Variants in E2F8 observed in about 807,000 individuals in gnomAD.
E2F8 encodes the protein E2F transcription factor 8, also known as transcription factor E2F8.
Under a neutral mutation model 80.8 loss-of-function variants are expected in E2F8, and 35 were observed. That is an observed-to-expected ratio of 0.43 (90% CI 0.33 to 0.57). E2F8 has a LOEUF of 0.57. Among genes scored for constraint, E2F8 ranks in the 20% least tolerant of loss-of-function variants. The probability of loss-of-function intolerance (pLI) is 0.04; values close to 1 mark genes in which losing one functional copy is unlikely to be tolerated. For synonymous variants in E2F8, 386 were observed against 395.0 expected (o/e 0.98, Z 0.27); for missense variants, 975 against 1,056.2 (o/e 0.92, Z 1.07).
Position 19,225,282 on chromosome 11 carries a change from G to A in E2F8, c.2360C>T (p.Ser787Leu), listed in dbSNP as rs1851201611. Residue 787 changes from serine (S) to leucine (L), a missense_variant, in exon 12 of 13, where the codon TCA (serine) becomes TTA (leucine). Physicochemically the swap from Ser to Leu is moderately radical, Grantham distance 145. Transcript: ENST00000250024. ...TQQGRATNYD[S>L]PVPGQSQPNG... The stretch of plus-strand genomic sequence containing the variant: ...TGGCTGGCTCTGGCCTGGGACTGGT[G>A]AGTCATAGTTGGTGGCCCTTCCTTG... The A allele has an allele frequency of 1.2e-6, 2 of 1,614,188 alleles. No individual in the cohort carries two copies. Among genetic ancestry groups the A allele is most frequent in the East Asian group, 4.5e-5 (2 of 44,878 alleles).
At chr11:19,235,666 C>CAA (rs57848611) in intron 4 of E2F8, among the ~76,000 whole-genome samples, 20 of 147,592 alleles carry the variant, frequency 1.4e-4, no homozygotes, top group East Asian at 4.1e-4. Context: ...AACAAACAAA[C>CAA]AAAAAAAAAA....
chr11:19,224,304 A>G lies in E2F8; in HGVS notation c.*354T>C, dbSNP rs187554534. 7.8e-4 allele frequency: 131 copies of G among 167,318 alleles called. No individual in the cohort carries two copies. Among genetic ancestry groups the G allele is most frequent in the South Asian group, 1.4e-3 (8 of 5,634 alleles). The allele number at this position is 167,318 out of a possible 1,614,324, so 10.4% of individuals were successfully genotyped here. A position where few individuals can be genotyped will look rare whatever the true frequency, so the allele number is the denominator to read the frequency against. ...GAATGCTGTGTTAGGCATGTCAAGC[A>G]TATTTGCTTAGAGGGAAGTAAACTT... On this transcript the variant is annotated 3_prime_UTR_variant, in exon 13 of 13. Coordinates refer to ENST00000250024, the MANE Select transcript of E2F8 (RefSeq NM_024680.4).
rs1229809549 is a variant in E2F8 at position 19,225,846 on chromosome 11, A to G, written c.1912T>C (p.Tyr638His). ...NVSATLFPSG[Y>H]LIPLTQCSSL... ...GAGCACTGCGTGAGAGGGATTAGGT[A>G]TCCTGATGGGAACAAGGTCTAGAAA... The change falls in exon 11 of 13, where the codon TAC becomes CAC. Residue 638 changes from tyrosine (Y) to histidine (H), a missense_variant. Physicochemically the swap from Tyr to His is moderately conservative, Grantham distance 83. Transcript: ENST00000250024. 1.2e-6 allele frequency: 2 copies of G among 1,613,980 alleles called. No homozygotes were observed. The highest frequency in any genetic ancestry group is 1.3e-5 in the African/African-American group (1 of 74,910).
At chr11:19,231,220 G>A (rs947629114) in intron 7 of E2F8, among the ~76,000 whole-genome samples, 1 of 152,162 alleles carries the variant, frequency 6.6e-6, no homozygotes, top group Non-Finnish European at 1.5e-5. Flanking sequence ...GCAGCCCTGT[G>A]TCGGAGATGA....
Position 19,229,691 on chromosome 11 carries a change from A to C in E2F8, c.1656T>G (p.Ala552=). The change falls in exon 10 of 13, where the codon GCT becomes GCG. Residue 552 remains alanine, a synonymous_variant. Transcript: ENST00000250024. This position sits in a 1 kb window ranked among gnomAD's most constrained non-coding sequence, Gnocchi z 4.3. ...PTVCTTHSSK[A]TGSKDSTDAT... is the part of the protein sequence containing the mutation. ...CATCTGTGGAGTCTTTTGAGCCAGT[A>C]GCTTTAGAAGAGTGGGTGGTGCACA... 6.2e-7 allele frequency: 1 copy of C among 1,614,128 alleles called. No individual in the cohort carries two copies. The highest frequency in any genetic ancestry group is 1.3e-5 in the African/African-American group (1 of 75,024).
intron 7 of E2F8, among the ~76,000 whole-genome samples, chr11:19,231,794 T>C (rs1363777932): frequency 6.6e-6 from 1 of 152,198 alleles, no homozygotes; most frequent in African/African-American, 2.4e-5. Flanking sequence ...TTGTTATGGA[T>C]CTTGGTTAGC....
chr11:19,232,440 A>T (rs1248836757), intron 6 of E2F8, 69 bp from the exon 7 acceptor site: 1 of 1,358,212 alleles, frequency 7.4e-7, no homozygotes, highest in Non-Finnish European at 1.0e-6. Flanking sequence ...CTTCAGAAGG[A>T]CTTCATGTAT....
chr11:19,228,100 T>C (rs1240944386), intron 10 of E2F8, among the ~76,000 whole-genome samples: 1 of 151,888 alleles, frequency 6.6e-6, no homozygotes, highest in East Asian at 1.9e-4. Context: ...AAAAAAGAAA[T>C]GGTTAGAGTT....
chr11:19,230,049 C>A (rs117358965), intron 9 of E2F8, 61 bp from the exon 10 acceptor site: 7 of 1,594,686 alleles, frequency 4.4e-6, no homozygotes, highest in Admixed American at 3.4e-5. Flanking sequence ...ACTGTTCTAC[C>A]GCTTTAAGCC....
rs914690289 is a variant in E2F8, at chr11:19,230,541, C to T, written c.1270+90G>A. ...GGTATATAGATATTGAAATAATTCT[C>T]TGACAACTATTGCAAGGATCAAGTA... On this transcript the variant is annotated intron_variant, in intron 8 of 12. Transcript: ENST00000250024. 8 of 1,426,268 alleles carry T rather than the reference C, an allele frequency of 5.6e-6. No individual in the cohort carries two copies. In the African/African-American group the frequency reaches 5.7e-5, roughly 10 times the overall value. 88.4% of individuals were successfully genotyped at this position (1,426,268 alleles called of 1,614,324 possible).
chr11:19,237,753 G>C, intron 3 of E2F8, 101 bp downstream of exon 3: 2 of 1,448,296 alleles, frequency 1.4e-6, no homozygotes, highest in Non-Finnish European at 1.9e-6. Flanking sequence ...ACAGCCTTCG[G>C]GTGGTGATGC....
At chr11:19,237,761 T>G (rs1210588148) in intron 3 of E2F8, 93 bp downstream of exon 3, 1 of 1,482,496 alleles carries the variant, frequency 6.7e-7, no homozygotes, top group Non-Finnish European at 9.1e-7. Flanking sequence ...CGGGTGGTGA[T>G]GCTTTAAATT....
chr11:19,237,242 G>A, intron 4 of E2F8, 72 bp downstream of exon 4: 2 of 1,408,640 alleles, frequency 1.4e-6, no homozygotes, highest in East Asian at 2.3e-5. Flanking sequence ...AGATGAGCGG[G>A]GGTCTGAAGG....
At chr11:19,230,201 A>C in intron 9 of E2F8, 40 bp downstream of exon 9, 1 of 1,588,688 alleles carries the variant, frequency 6.3e-7, no homozygotes, top group Non-Finnish European at 8.6e-7. Context: ...TGTAATGTAA[A>C]AGTAATTCAT....
At position 19,237,915 on chromosome 11, in the gene E2F8, T is replaced by C; in HGVS notation, c.233A>G (p.Asp78Gly). ...GTTGTCAAACAAACCCCTTTTCTGA[T>C]CTCTGTTGCGGATCTCAGGGCTCAC... Reference protein sequence around the residue: ...SAVSPEIRNRDQKRGLFDNRS... With the variant: ...SAVSPEIRNRGQKRGLFDNRS... Residue 78 changes from aspartate (D) to glycine (G), a missense_variant, in exon 3 of 13, where the codon GAT becomes GGT. Transcript: ENST00000250024. 4 of 1,614,104 alleles carry C rather than the reference T, an allele frequency of 2.5e-6. No homozygotes were observed. Among genetic ancestry groups the C allele is most frequent in the Non-Finnish European group, 3.4e-6 (4 of 1,180,022 alleles).
intron 4 of E2F8, among the ~76,000 whole-genome samples, chr11:19,235,981 C>T (rs1389385394): frequency 6.6e-6 from 1 of 152,144 alleles, no homozygotes; most frequent in Non-Finnish European, 1.5e-5. Context: ...TTCTGTGACT[C>T]TATCTATTTA....
In E2F8 at chr11:19,229,859, C is replaced by G. The variant is rs756456457; in HGVS notation, c.1488G>C (p.Met496Ile). The stretch of plus-strand genomic sequence containing the variant: ...ACAAGGGGCTGGGGATCAGGGGAAC[C>G]ATTCCCAGGGGCTGGATGAGGGACG... ...TAPSLIQPLG[M>I]VPLIPSPLSS... Residue 496 changes from methionine (M) to isoleucine (I), a missense_variant, in exon 10 of 13, where the codon ATG becomes ATC. By Grantham distance (10) the Met-to-Ile change is conservative. Transcript: ENST00000250024. This position sits in a 1 kb window ranked among gnomAD's most constrained non-coding sequence, Gnocchi z 4.3. 2 of 1,613,864 alleles carry G rather than the reference C, an allele frequency of 1.2e-6. No individual in the cohort carries two copies. The highest frequency in any genetic ancestry group is 2.2e-5 in the East Asian group (1 of 44,896).
chr11:19,237,820 TC>T, intron 3 of E2F8, 33 bp downstream of exon 3: 1 of 1,576,504 alleles, frequency 6.3e-7, no homozygotes, highest in South Asian at 1.2e-5. Flanking sequence ...CCCAACAAAT[TC>T]CCCAGCCTCC....
Position 19,229,391 on chromosome 11 carries a change from C to T in E2F8, c.1893+63G>A. 1 of 1,528,976 alleles carries T rather than the reference C, an allele frequency of 6.5e-7. No individual in the cohort carries two copies. 94.7% of individuals were successfully genotyped at this position (1,528,976 alleles called of 1,614,324 possible). On this transcript the variant is annotated intron_variant, in intron 10 of 12. Transcript: ENST00000250024. This position sits in a 1 kb window ranked among gnomAD's most constrained non-coding sequence, Gnocchi z 4.3. ...GCTCTTCGGTAAATTTCACAAGCCA[C>T]CAATCTTCCTGTAATAGACTAGGGA...
Sources: allele counts gnomAD v4.1 joint callset (sites outside exome capture counted in the v4.1 genomes callset), GRCh38; gene constraint gnomAD v4.1.1; non-coding constraint Gnocchi (gnomAD v3.1); transcripts MANE v1.5; gene names NCBI Gene and HGNC (gene_info 2026-07-23, HGNC 2026-07-21).